The following ATOSA variants were observed in gnomAD, a reference collection of about 807,000 sequenced individuals.
The protein encoded by ATOSA is atos homolog A, also known as atos homolog protein A.
chr15:52,613,930 ATAAC>A, the ATOSA span: 2 of 1,165,816 alleles, frequency 1.7e-6, no homozygotes, highest in Non-Finnish European at 2.5e-6. Context: ...TCTGCCTAAA[ATAAC>A]TAATGTCACA....
chr15:52,615,988 T>C, the ATOSA span, among the ~76,000 whole-genome samples: 1 of 152,226 alleles, frequency 6.6e-6, no homozygotes, highest in Non-Finnish European at 1.5e-5. Context: ...ACAGTTTAGC[T>C]CCAGAACCTG....
chr15:52,666,227 A>T, the ATOSA span, among the ~76,000 whole-genome samples: 8 of 152,196 alleles, frequency 5.3e-5, no homozygotes, highest in Non-Finnish European at 1.0e-4. Context: ...TTAATGTCTT[A>T]GTTTAGGGAA....
the ATOSA span, among the ~76,000 whole-genome samples, chr15:52,679,776 CCTCCTCCT>C: frequency 1.6e-5 from 2 of 123,110 alleles, no homozygotes; most frequent in Non-Finnish European, 3.6e-5. Flanking sequence ...TCCTCCTCCT[CCTCCTCCT>C]CCTCCTCCTC....
At chr15:52,609,159 C>T in the ATOSA span, 2,856 of 1,613,520 alleles carry the variant, frequency 1.8e-3, 52 homozygotes, top group African/African-American at 0.032. Context: ...TGTTCTGACA[C>T]TGATTTCTTG....
chr15:52,701,997 C>T, the ATOSA span, among the ~76,000 whole-genome samples: 2 of 151,858 alleles, frequency 1.3e-5, no homozygotes, highest in Non-Finnish European at 2.9e-5. Flanking sequence ...GGGCAAATAA[C>T]AAACACATGA....
the ATOSA span, among the ~76,000 whole-genome samples, chr15:52,641,132 C>T: frequency 2.6e-5 from 4 of 152,274 alleles, no homozygotes; most frequent in African/African-American, 9.6e-5. Context: ...GAACTGCATT[C>T]GTAACTTATG....
the ATOSA span, among the ~76,000 whole-genome samples, chr15:52,642,944 T>C: frequency 6.6e-6 from 1 of 152,066 alleles, no homozygotes; most frequent in Non-Finnish European, 1.5e-5. Context: ...CTGGGATTAC[T>C]GGTGTGAGCC....
chr15:52,690,358 G>A, the ATOSA span, among the ~76,000 whole-genome samples: 1 of 152,114 alleles, frequency 6.6e-6, no homozygotes, highest in Non-Finnish European at 1.5e-5. Flanking sequence ...TAATACATAC[G>A]GAGAAACCTG....
the ATOSA span, chr15:52,605,018 T>C: frequency 1.4e-6 from 1 of 696,420 alleles, no homozygotes. Context: ...AATGTTTCCT[T>C]ACTGGAAATT....
At chr15:52,599,423 T>C in the ATOSA span, among the ~76,000 whole-genome samples, 1 of 152,180 alleles carries the variant, frequency 6.6e-6, no homozygotes, top group Non-Finnish European at 1.5e-5. Context: ...ACTATTAAAA[T>C]AGTTATAAAG....
At chr15:52,594,155 C>T in the ATOSA span, among the ~76,000 whole-genome samples, 1 of 152,110 alleles carries the variant, frequency 6.6e-6, no homozygotes, top group Non-Finnish European at 1.5e-5. Context: ...ACCTGAAAAC[C>T]TAACAGGTTA....
the ATOSA span, among the ~76,000 whole-genome samples, chr15:52,665,108 AG>A: frequency 1.3e-5 from 2 of 152,214 alleles, no homozygotes; most frequent in African/African-American, 4.8e-5. Context: ...GGGGACTACG[AG>A]GGGAATGGAG....
At chr15:52,608,697 T>C in the ATOSA span, 5 of 1,612,706 alleles carry the variant, frequency 3.1e-6, no homozygotes, top group Non-Finnish European at 4.2e-6. Flanking sequence ...TTAATTGGTC[T>C]GACTTTTTAC....
At chr15:52,613,556 G>A in the ATOSA span, 1 of 1,227,316 alleles carries the variant, frequency 8.1e-7, no homozygotes, top group East Asian at 2.6e-5. Flanking sequence ...TTCCCTTTAT[G>A]ATTATGATCA....
chr15:52,633,057 A>C, the ATOSA span, among the ~76,000 whole-genome samples: 10 of 152,324 alleles, frequency 6.6e-5, no homozygotes, highest in East Asian at 1.7e-3. Context: ...ATGTTACTTC[A>C]TTTCTTCATT....
chr15:52,593,821 C>A, the ATOSA span: 1 of 1,299,936 alleles, frequency 7.7e-7, no homozygotes, highest in South Asian at 1.5e-5. Flanking sequence ...TACACTTAGT[C>A]TAAAGGCAGA....
At chr15:52,663,799 G>GT in the ATOSA span, among the ~76,000 whole-genome samples, 14 of 151,732 alleles carry the variant, frequency 9.2e-5, no homozygotes, top group Admixed American at 1.3e-4. Flanking sequence ...TTTTTTTTAA[G>GT]TTTTTTTGTA....
the ATOSA span, among the ~76,000 whole-genome samples, chr15:52,607,238 A>G: frequency 6.6e-6 from 1 of 152,190 alleles, no homozygotes; most frequent in Non-Finnish European, 1.5e-5. Flanking sequence ...TTCCCTATAG[A>G]CACTTTGAAA....
the ATOSA span, among the ~76,000 whole-genome samples, chr15:52,673,546 A>G: frequency 3.3e-5 from 5 of 152,248 alleles, 1 homozygote; most frequent in South Asian, 4.1e-4. Context: ...AATGAGTTAT[A>G]TATGTGAAGT....
Sources: gnomAD v4.1 joint callset for allele counts (sites outside exome capture counted in the v4.1 genomes callset) on GRCh38, gnomAD v4.1.1 for gene constraint, MANE v1.5 for transcripts, NCBI Gene and HGNC (gene_info 2026-07-23, HGNC 2026-07-21) for gene names.